XDH: variants seen among roughly 807,000 people sequenced by gnomAD.
XDH encodes the protein xanthine dehydrogenase/oxidase.
XDH carries 138 observed loss-of-function variants against 156.1 expected under a neutral mutation model. That is an observed-to-expected ratio of 0.88 (90% CI 0.77 to 1.02). XDH has a LOEUF of 1.02. Among genes scored for constraint, XDH ranks in the 50% least tolerant of loss-of-function variants. The probability of loss-of-function intolerance (pLI) is 0.00; values close to 1 mark genes in which losing one functional copy is unlikely to be tolerated. For missense variants in XDH, 1,849 were observed against 1,684.9 expected, an observed-to-expected ratio of 1.10 and a Z score of -1.71; for synonymous variants, 669 against 625.7, an observed-to-expected ratio of 1.07 and a Z score of -1.03.
chr2:31,340,672 G>A (rs920879628), intron 33 of XDH, among the ~76,000 whole-genome samples: 1 of 152,084 alleles, frequency 6.6e-6, no homozygotes, highest in Non-Finnish European at 1.5e-5. Flanking sequence ...GTTTCGCCAT[G>A]TTGTCCAAGC....
Position 31,347,647 on chromosome 2 carries a change from C to T in XDH, c.3151G>A (p.Ala1051Thr), listed in dbSNP as rs756874478. 1.2e-6 allele frequency: 2 copies of T among 1,613,584 alleles called. No homozygotes were observed. The highest frequency in any genetic ancestry group is 1.3e-5 in the African/African-American group (1 of 75,060). Residue 1051 changes from alanine (A) to threonine (T), a missense_variant, in exon 29 of 36, where the codon GCC becomes ACC. Transcript: ENST00000379416. ...GTGGGGATTTTCAGAGCTCTACTGG[C>T]CACCTGCGAAAAGAGAAGACATTGC... ...QGLHTKMVQV[A>T]SRALKIPTSK... is the part of the protein sequence containing the mutation.
At chr2:31,352,790 A>G (rs994895706) in intron 24 of XDH, among the ~76,000 whole-genome samples, 1 of 152,156 alleles carries the variant, frequency 6.6e-6, no homozygotes, top group Non-Finnish European at 1.5e-5. Context: ...TGAAGTGTGA[A>G]GTTTCCTAAC....
At chr2:31,339,775 G>C (rs1685076156) in intron 33 of XDH, 98 bp from the exon 34 acceptor site, 2 of 1,491,524 alleles carry the variant, frequency 1.3e-6, no homozygotes, top group African/African-American at 2.8e-5. Flanking sequence ...CTGCAGCGCG[G>C]CCTGGAATGT....
Position 31,335,853 on chromosome 2 carries a change from G to T in XDH, c.*105C>A. Reference sequence around the variant, plus strand: ...CAAATCCCATCTTGACAAATCACAGGTCTGTCATTCTGTGACTTTAATAGA... The same window carrying T: ...CAAATCCCATCTTGACAAATCACAGTTCTGTCATTCTGTGACTTTAATAGA... On this transcript the variant is annotated 3_prime_UTR_variant, in exon 36 of 36. Coordinates refer to ENST00000379416, the MANE Select transcript of XDH (RefSeq NM_000379.4). The T allele has an allele frequency of 7.8e-7, 1 of 1,285,958 alleles. No individual in the cohort carries two copies. The highest frequency in any genetic ancestry group is 1.1e-6 in the Non-Finnish European group (1 of 882,854). 79.7% of individuals were successfully genotyped at this position (1,285,958 alleles called of 1,614,324 possible).
At chr2:31,405,144 T>C (rs1205294370) in intron 2 of XDH, among the ~76,000 whole-genome samples, 1 of 152,190 alleles carries the variant, frequency 6.6e-6, no homozygotes, top group Non-Finnish European at 1.5e-5. Flanking sequence ...TATCAAGGCC[T>C]CAGTTCCTCC....
chr2:31,365,676 T>C, intron 22 of XDH, 132 bp from the exon 23 acceptor site: 6 of 1,137,918 alleles, frequency 5.3e-6, no homozygotes, highest in Non-Finnish European at 7.9e-6. Context: ...CAGGGCTGCT[T>C]TGCCATCTAG....
intron 13 of XDH, among the ~76,000 whole-genome samples, chr2:31,378,128 A>AAAG (rs1364813224): frequency 7.8e-5 from 5 of 63,840 alleles, no homozygotes; most frequent in African/African-American, 2.9e-4. Flanking sequence ...GGAAGGAAGG[A>AAAG]AGGAAGGAAG....
intron 24 of XDH, among the ~76,000 whole-genome samples, chr2:31,353,055 T>C (rs2195502): frequency 0.58 from 87,453 of 150,300 alleles, 27,795 homozygotes; most frequent in East Asian, 0.78. Flanking sequence ...CAAGAATCTA[T>C]ACATACGTAA....
intron 23 of XDH, 76 bp from the exon 24 acceptor site, chr2:31,364,320 C>A: frequency 7.0e-7 from 1 of 1,426,572 alleles, no homozygotes. Flanking sequence ...CTGATCCTCC[C>A]TCCCACTTAT....
chr2:31,372,505 G>A, intron 16 of XDH, 108 bp from the exon 17 acceptor site: 2 of 1,487,572 alleles, frequency 1.3e-6, no homozygotes, highest in South Asian at 1.2e-5. Context: ...GACACCAAGG[G>A]GTAAGAATAA....
chr2:31,400,299 C>G (rs1249598664), intron 4 of XDH, among the ~76,000 whole-genome samples: 1 of 146,546 alleles, frequency 6.8e-6, no homozygotes, highest in African/African-American at 2.5e-5. Flanking sequence ...AGTCCAGTGG[C>G]ACGATCTCGG....
intron 4 of XDH, among the ~76,000 whole-genome samples, chr2:31,399,158 T>C (rs1426212193): frequency 6.6e-6 from 1 of 152,308 alleles, no homozygotes; most frequent in African/African-American, 2.4e-5. Context: ...GGCTTTGCCA[T>C]TGACTCAGAT....
At chr2:31,364,061 A>T in intron 24 of XDH, 97 bp downstream of exon 24, 1 of 1,138,854 alleles carries the variant, frequency 8.8e-7, no homozygotes, top group Non-Finnish European at 1.3e-6. Context: ...CTACTGCAAC[A>T]GTAGCAAGCA....
intron 1 of XDH, among the ~76,000 whole-genome samples, chr2:31,410,685 C>T (rs1424620777): frequency 6.6e-6 from 1 of 152,118 alleles, no homozygotes; most frequent in African/African-American, 2.4e-5. Context: ...CCCCCAAATG[C>T]AGACTCTGAA....
intron 6 of XDH, 61 bp downstream of exon 6, chr2:31,397,607 T>G (rs1686945286): frequency 6.2e-7 from 1 of 1,602,646 alleles, no homozygotes; most frequent in Non-Finnish European, 8.6e-7. Flanking sequence ...CTCCCCACAG[T>G]GATTTCTGAG....
chr2:31,375,562 A>G lies in XDH; in HGVS notation c.1428-8T>C, dbSNP rs1192292223. ...AGCTCCTCCTTCCAGAGCCTGCCAG[A>G]GAGCAGGGCGTGGGACAGCGCTCCC... is the stretch of plus-strand genomic sequence containing the variant. On this transcript the variant is annotated splice_polypyrimidine_tract_variant and splice_region_variant and intron_variant, in intron 14 of 35. Coordinates refer to ENST00000379416, the MANE Select transcript of XDH (RefSeq NM_000379.4). The G allele has an allele frequency of 6.2e-7, 1 of 1,612,732 alleles. No individual in the cohort carries two copies. Among genetic ancestry groups the G allele is most frequent in the Admixed American group, 1.7e-5 (1 of 60,012 alleles).
chr2:31,352,023 A>G (rs61578078), intron 24 of XDH, among the ~76,000 whole-genome samples: 4,438 of 152,308 alleles, frequency 0.029, 196 homozygotes, highest in African/African-American at 0.099. Flanking sequence ...TTTTAATCCC[A>G]AAGTGTATGC....
chr2:31,345,004 A>C (rs974909315), intron 30 of XDH, among the ~76,000 whole-genome samples: 2 of 152,100 alleles, frequency 1.3e-5, no homozygotes, highest in African/African-American at 4.8e-5. Flanking sequence ...CCATCTTAAC[A>C]TACCACACTG....
intron 28 of XDH, 72 bp downstream of exon 28, chr2:31,348,196 G>C: frequency 6.7e-7 from 1 of 1,486,736 alleles, no homozygotes; most frequent in South Asian, 1.2e-5. Flanking sequence ...TGCTCTGATA[G>C]GTCCCACTGC....
Sources: allele counts gnomAD v4.1 joint callset (sites outside exome capture counted in the v4.1 genomes callset), GRCh38; gene constraint gnomAD v4.1.1; transcripts MANE v1.5; gene names NCBI Gene and HGNC (gene_info 2026-07-23, HGNC 2026-07-21).